CRB2: variants seen among roughly 807,000 people sequenced by gnomAD.
CRB2 encodes the protein crumbs cell polarity complex component 2, also known as protein crumbs homolog 2.
Under a neutral mutation model 110.9 loss-of-function variants are expected in CRB2, and 85 were observed. The observed-to-expected ratio is 0.77, with a 90% CI of 0.64 to 0.92. CRB2 has a LOEUF of 0.92. CRB2 is among the 40% of genes least tolerant of loss of function. The probability of loss-of-function intolerance (pLI) is 0.00; values close to 1 mark genes in which losing one functional copy is unlikely to be tolerated. For synonymous variants in CRB2, 907 were observed against 831.0 expected (o/e 1.09, Z -1.57); for missense variants, 1,843 against 1,851.3 (o/e 1.00, Z 0.08).
At chr9:123,363,784 C>T (rs1195684542) in intron 2 of CRB2, among the ~76,000 whole-genome samples, 1 of 152,254 alleles carries the variant, frequency 6.6e-6, no homozygotes, top group East Asian at 1.9e-4. Context: ...AGAAAAGTGA[C>T]TGGCACTAAG....
intron 5 of CRB2, 81 bp downstream of exon 5, chr9:123,367,438 A>ACC: frequency 1.3e-6 from 1 of 747,498 alleles, no homozygotes; most frequent in Non-Finnish European, 1.8e-6. Flanking sequence ...CACCCCCCCC[A>ACC]CCCCCCCACC....
chr9:123,366,026 C>CG lies in CRB2; in HGVS notation c.533dup (p.Thr179HisfsTer103). 3.8e-6 allele frequency: 6 copies of CG among 1,589,588 alleles called. No individual in the cohort carries two copies. Among genetic ancestry groups the CG allele is most frequent in the Non-Finnish European group, 5.1e-6 (6 of 1,175,258 alleles). On this transcript the variant is annotated frameshift_variant, in exon 3 of 13. Transcript: ENST00000373631. LOFTEE classifies it high-confidence loss of function. ...TCCGCTGTGTGTGCGCGCCAGGCTA[C>CG]GGGGGCACCCGTTGCCAGCTGGACC...
intron 2 of CRB2, among the ~76,000 whole-genome samples, chr9:123,365,204 A>G (rs1380136742): frequency 1.3e-5 from 2 of 152,208 alleles, no homozygotes; most frequent in Non-Finnish European, 2.9e-5. Flanking sequence ...CAGAGATTGC[A>G]GTGGGCTAAG....
In CRB2 at chr9:123,377,373, TGTGTGA is replaced by T; in HGVS notation, c.*317_*322del. The T allele has an allele frequency of 4.7e-5, 15 of 318,594 alleles. No homozygotes were observed. The highest frequency in any genetic ancestry group is 6.3e-5 in the Non-Finnish European group (11 of 173,522). 19.7% of individuals were successfully genotyped at this position (318,594 alleles called of 1,614,324 possible). On this transcript the variant is annotated 3_prime_UTR_variant, in exon 13 of 13. Transcript: ENST00000373631. The stretch of plus-strand genomic sequence containing the variant: ...GAGTGTGTGTATCTGGAGGAGTGTG[TGTGTGA>T]GTGTGTACCTGGGCCTGTGTTAGTC...
chr9:123,376,187 T>C (rs543984405), intron 12 of CRB2, among the ~76,000 whole-genome samples: 4 of 152,194 alleles, frequency 2.6e-5, no homozygotes, highest in Non-Finnish European at 4.4e-5. Context: ...CCTGTCAAGT[T>C]TTAGGACCCA....
intron 8 of CRB2, 62 bp from the exon 9 acceptor site, chr9:123,372,115 C>T: frequency 6.5e-7 from 1 of 1,535,336 alleles, no homozygotes; most frequent in South Asian, 1.1e-5. Context: ...ACTGCAATGC[C>T]AGTTATGGTG....
At chr9:123,364,216 G>A (rs985404590) in intron 2 of CRB2, among the ~76,000 whole-genome samples, 3 of 151,884 alleles carry the variant, frequency 2.0e-5, no homozygotes, top group South Asian at 2.1e-4. Context: ...GGTCACATTC[G>A]TCCATGTGTC....
chr9:123,371,604 G>A lies in CRB2; in HGVS notation c.2436+26G>A, dbSNP rs545082273. On this transcript the variant is annotated intron_variant, in intron 8 of 12. Coordinates refer to ENST00000373631, the MANE Select transcript of CRB2 (RefSeq NM_173689.7). The stretch of plus-strand genomic sequence containing the variant: ...GTAAGTGTCTGGTGGCGGTGGTGGT[G>A]GTGGGGTGGGGAGTCCTTTTCCCAG... 116 of 1,608,950 alleles carry A rather than the reference G, an allele frequency of 7.2e-5. 2 individuals carry two copies. The South Asian group carries it at 1.2e-3, about 17-fold the overall frequency.
rs2041798526 is a variant in CRB2, at chr9:123,356,339, C to G, written c.79C>G (p.Leu27Val). 2 of 1,547,250 alleles carry G rather than the reference C, an allele frequency of 1.3e-6. No homozygotes were observed. Among genetic ancestry groups the G allele is most frequent in the African/African-American group, 1.4e-5 (1 of 72,900 alleles). Residue 27 changes from leucine (L) to valine (V), a missense_variant, in exon 1 of 13, where the codon CTT becomes GTT. By Grantham distance (32) the Leu-to-Val change is conservative (BLOSUM62 1). Coordinates refer to ENST00000373631, the MANE Select transcript of CRB2 (RefSeq NM_173689.7). Reference protein sequence around the residue: ...VLLLLLWAPALSLLAGTVPSE... With the variant: ...VLLLLLWAPAVSLLAGTVPSE... ...GCTACTGCTGCTCTGGGCCCCTGCC[C>G]TTTCCCTCCTGGCTGGTGAGTTGGG...
intron 1 of CRB2, among the ~76,000 whole-genome samples, chr9:123,357,628 C>CG (rs1033142953): frequency 3.0e-5 from 4 of 132,342 alleles, no homozygotes; most frequent in Non-Finnish European, 4.8e-5. Context: ...GGCATGGTGG[C>CG]GGGGGGCGGG....
At chr9:123,376,492 C>T (rs2042105138) in intron 12 of CRB2, among the ~76,000 whole-genome samples, 1 of 152,214 alleles carries the variant, frequency 6.6e-6, no homozygotes, top group African/African-American at 2.4e-5. Context: ...CAGGGGGCCG[C>T]TCAGCCTGCC....
chr9:123,367,707 C>T (rs2041958316), intron 6 of CRB2, 21 bp downstream of exon 6: 3 of 1,482,790 alleles, frequency 2.0e-6, no homozygotes, highest in Middle Eastern at 1.8e-4. Context: ...TGGGGTGGGC[C>T]CTGGGACCAT....
intron 1 of CRB2, among the ~76,000 whole-genome samples, chr9:123,359,946 A>AT (rs56027398): frequency 0.17 from 25,326 of 147,624 alleles, 2,709 homozygotes; most frequent in East Asian, 0.25. Flanking sequence ...ACCTTTAGAG[A>AT]TTTTTTTTTT....
In CRB2 at chr9:123,367,429, ACCCCCCCCACCC is replaced by A. The variant is rs1564372107; in HGVS notation, c.940+77_940+88del. On this transcript the variant is annotated intron_variant, in intron 5 of 12. Transcript: ENST00000373631. ...GGAGGGATCTTGTGCCCACCCCCCCACCCCCCCCACCCCCCCACCCCACACCCCACACCCGAG... is the reference window on the plus strand; with the variant it reads ...GGAGGGATCTTGTGCCCACCCCCCCACCCCACCCCACACCCCACACCCGAG... 3 of 919,756 alleles carry A rather than the reference ACCCCCCCCACCC, an allele frequency of 3.3e-6. No homozygotes were observed. In the South Asian group the frequency reaches 5.8e-5, roughly 18 times the overall value. 57.0% of individuals were successfully genotyped at this position (919,756 alleles called of 1,614,324 possible).
chr9:123,379,274 C>T (rs771437175), downstream of CRB2, among the ~76,000 whole-genome samples: 3 of 152,168 alleles, frequency 2.0e-5, no homozygotes, highest in Admixed American at 6.5e-5. Context: ...CAAACACCAG[C>T]GTCCAACAGA....
At chr9:123,361,915 G>A (rs952034338) in intron 1 of CRB2, among the ~76,000 whole-genome samples, 1 of 152,210 alleles carries the variant, frequency 6.6e-6, no homozygotes, top group Non-Finnish European at 1.5e-5. Flanking sequence ...GAAGGCAGGA[G>A]GAGAGGAAGG....
chr9:123,379,314 TGA>T (rs1243690465), downstream of CRB2, among the ~76,000 whole-genome samples: 1 of 152,158 alleles, frequency 6.6e-6, no homozygotes, highest in African/African-American at 2.4e-5. Flanking sequence ...TTCTTGCTAA[TGA>T]GAGACCTGTG....
Position 123,366,297 on chromosome 9 carries a change from T to TCGGCGCCCTGCGAGCACAACG in CRB2, c.688_708dup (p.Ala230_Ala236dup). On this transcript the variant is annotated inframe_insertion, in exon 4 of 13. Coordinates refer to ENST00000373631, the MANE Select transcript of CRB2 (RefSeq NM_173689.7). ...CGAGCGGGAGGTGCTGGAGTGCGCATCGGCGCCCTGCGAGCACAACGCGTC... is the reference window on the plus strand; with the variant it reads ...CGAGCGGGAGGTGCTGGAGTGCGCATCGGCGCCCTGCGAGCACAACGCGGCGCCCTGCGAGCACAACGCGTC... The TCGGCGCCCTGCGAGCACAACG allele has an allele frequency of 3.3e-5, 50 of 1,523,676 alleles. No individual in the cohort carries two copies. Among genetic ancestry groups the TCGGCGCCCTGCGAGCACAACG allele is most frequent in the Non-Finnish European group, 4.1e-5 (47 of 1,148,630 alleles). The allele number at this position is 1,523,676 out of a possible 1,614,324, so 94.4% of individuals were successfully genotyped here.
At chr9:123,364,934 C>T (rs1034958557) in intron 2 of CRB2, among the ~76,000 whole-genome samples, 2 of 152,194 alleles carry the variant, frequency 1.3e-5, no homozygotes, top group Non-Finnish European at 2.9e-5. Context: ...TCCTGCCTCT[C>T]TGGGATCTGA....
Sources: gnomAD v4.1 joint callset for allele counts (sites outside exome capture counted in the v4.1 genomes callset) on GRCh38, gnomAD v4.1.1 for gene constraint, MANE v1.5 for transcripts, NCBI Gene and HGNC (gene_info 2026-07-23, HGNC 2026-07-21) for gene names.